The following UBAC2 variants were observed in gnomAD, a reference collection of about 807,000 sequenced individuals.
UBAC2 encodes UBA domain containing 2, also known as ubiquitin-associated domain-containing protein 2.
A neutral mutation model predicts 44.0 loss-of-function variants in UBAC2; 26 were observed. The observed-to-expected ratio is 0.59, with a 90% CI of 0.43 to 0.82. UBAC2 has a LOEUF of 0.82. UBAC2 is among the 40% of genes least tolerant of loss of function. UBAC2 has a pLI of 0.00. For synonymous variants in UBAC2, 155 were observed against 154.3 expected, an observed-to-expected ratio of 1.00 and a Z score of -0.04; for missense variants, 329 against 419.4, an observed-to-expected ratio of 0.78 and a Z score of 1.88.
intron 4 of UBAC2, among the ~76,000 whole-genome samples, chr13:99,286,017 G>A (rs960507743): frequency 8.5e-5 from 13 of 152,178 alleles, no homozygotes; most frequent in Non-Finnish European, 4.4e-5. Flanking sequence ...TGATTTCCCA[G>A]CTGCCTCAGT....
intron 8 of UBAC2, among the ~76,000 whole-genome samples, chr13:99,368,725 G>A (rs1364286260): frequency 2.1e-5 from 3 of 146,044 alleles, no homozygotes; most frequent in African/African-American, 5.2e-5. Flanking sequence ...GTGTGTGTGT[G>A]TACACATACC....
At chr13:99,384,852 G>A (rs1404614677) in intron 8 of UBAC2, among the ~76,000 whole-genome samples, 1 of 152,178 alleles carries the variant, frequency 6.6e-6, no homozygotes, top group African/African-American at 2.4e-5. Context: ...CGATGCCAGG[G>A]CTGAGCATGG....
chr13:99,309,663 C>T (rs534582842), intron 4 of UBAC2, among the ~76,000 whole-genome samples: 6 of 151,942 alleles, frequency 3.9e-5, no homozygotes, highest in African/African-American at 7.2e-5. Context: ...TGCAGTGGCA[C>T]GATCTTGGCT....
chr13:99,308,354 T>C (rs991841376), intron 4 of UBAC2, among the ~76,000 whole-genome samples: 1 of 152,204 alleles, frequency 6.6e-6, no homozygotes, highest in African/African-American at 2.4e-5. Flanking sequence ...ATAGGGTCAT[T>C]ATCCTTATGC....
chr13:99,377,181 G>C (rs1444605654), intron 8 of UBAC2: 1 of 145,446 alleles, frequency 6.9e-6, no homozygotes, highest in African/African-American at 2.5e-5. Flanking sequence ...GTGTTGGGGG[G>C]AAGCAAGCCA....
At chr13:99,266,818 G>A (rs916621380) in intron 4 of UBAC2, among the ~76,000 whole-genome samples, 11 of 152,184 alleles carry the variant, frequency 7.2e-5, no homozygotes, top group African/African-American at 2.7e-4. Context: ...CTGAAAGCCT[G>A]TACCCATCAT....
intron 4 of UBAC2, among the ~76,000 whole-genome samples, chr13:99,268,737 G>A (rs1234228228): frequency 6.6e-6 from 1 of 151,822 alleles, no homozygotes; most frequent in Non-Finnish European, 1.5e-5. Context: ...TGTTTGGCTT[G>A]TGAAATGGCA....
intron 6 of UBAC2, among the ~76,000 whole-genome samples, chr13:99,328,068 T>A (rs947335051): frequency 6.6e-6 from 1 of 152,224 alleles, no homozygotes; most frequent in Admixed American, 6.5e-5. Flanking sequence ...GTTTTGCCTT[T>A]GCTGGAATTT....
intron 4 of UBAC2, among the ~76,000 whole-genome samples, chr13:99,245,691 A>G (rs2043375175): frequency 6.6e-6 from 1 of 152,208 alleles, no homozygotes; most frequent in East Asian, 1.9e-4. Flanking sequence ...AAATACAAAA[A>G]TTAGTTGGGC....
At chr13:99,318,643 AC>A (rs1171897349) in intron 6 of UBAC2, among the ~76,000 whole-genome samples, 1 of 149,794 alleles carries the variant, frequency 6.7e-6, no homozygotes, top group African/African-American at 2.5e-5. Context: ...ACATGATGAA[AC>A]CCCATCTCTG....
chr13:99,207,776 C>T (rs1459165799), intron 1 of UBAC2, among the ~76,000 whole-genome samples: 1 of 152,144 alleles, frequency 6.6e-6, no homozygotes, highest in Non-Finnish European at 1.5e-5. Context: ...GGCCTGCACT[C>T]TCCACCTTCG....
intron 4 of UBAC2, among the ~76,000 whole-genome samples, chr13:99,282,620 G>A (rs545943347): frequency 2.5e-4 from 38 of 152,254 alleles, no homozygotes; most frequent in Non-Finnish European, 2.1e-4. Flanking sequence ...GAAGTTTAAC[G>A]CTGGTTAAGT....
rs548133738 is a variant in UBAC2, at chr13:99,209,692, G to A, written c.31+8753G>A. Among the ~76,000 whole-genome samples the A allele has an allele frequency of 3.9e-5, 6 of 152,302 alleles. No homozygotes were observed. In the South Asian group the frequency reaches 8.3e-4, roughly 21 times the overall value. ...GAATATACTCTTCATAAATTTTAGC[G>A]GCTGGGCATAGTGGCTCACGCCTGT... On this transcript the variant is annotated intron_variant, in intron 1 of 8. Coordinates refer to ENST00000403766, the MANE Select transcript of UBAC2 (RefSeq NM_001144072.2).
At chr13:99,296,820 G>T (rs2044181974) in intron 4 of UBAC2, among the ~76,000 whole-genome samples, 1 of 151,974 alleles carries the variant, frequency 6.6e-6, no homozygotes, top group Non-Finnish European at 1.5e-5. Context: ...GAAAGATAAA[G>T]AAAATGAGAG....
chr13:99,234,847 T>C (rs531605026), intron 1 of UBAC2, among the ~76,000 whole-genome samples: 11 of 152,258 alleles, frequency 7.2e-5, no homozygotes, highest in Admixed American at 2.6e-4. Flanking sequence ...ATGACATACT[T>C]GGGGGAAATG....
chr13:99,255,930 A>G (rs753500305), intron 4 of UBAC2: 6 of 1,455,000 alleles, frequency 4.1e-6, no homozygotes, highest in Non-Finnish European at 5.5e-6. Flanking sequence ...TAAGAAAAAT[A>G]AGAATAAAAT....
At chr13:99,275,974 T>G (rs1383546861) in intron 4 of UBAC2, among the ~76,000 whole-genome samples, 1 of 152,190 alleles carries the variant, frequency 6.6e-6, no homozygotes, top group African/African-American at 2.4e-5. Context: ...ACCTGTAGGG[T>G]GTAAGCCTGG....
At chr13:99,217,972 T>A (rs2043016138) in intron 1 of UBAC2, among the ~76,000 whole-genome samples, 2 of 152,182 alleles carry the variant, frequency 1.3e-5, no homozygotes, top group Non-Finnish European at 1.5e-5. Flanking sequence ...ATTTCCCCAC[T>A]TGAAAAGTAT....
chr13:99,255,246 G>T, intron 4 of UBAC2: 1 of 1,614,006 alleles, frequency 6.2e-7, no homozygotes, highest in South Asian at 1.1e-5. Context: ...TATGAATAAT[G>T]ACCAAGTAGC....
Sources: gnomAD v4.1 joint callset for allele counts (sites outside exome capture counted in the v4.1 genomes callset) on GRCh38, gnomAD v4.1.1 for gene constraint, MANE v1.5 for transcripts, NCBI Gene and HGNC (gene_info 2026-07-23, HGNC 2026-07-21) for gene names.